Variants in OXR1 observed in about 807,000 individuals in gnomAD.
The protein encoded by OXR1 is oxidation resistance protein 1.
Under a neutral mutation model 104.6 loss-of-function variants are expected in OXR1, and 41 were observed. That is an observed-to-expected ratio of 0.39 (90% confidence interval 0.31 to 0.51). OXR1 has a LOEUF of 0.51. Ranked by LOEUF, OXR1 falls within the 20% of genes least tolerant of loss-of-function variation. OXR1 has a pLI of 0.77. For synonymous variants in OXR1, 348 were observed against 348.4 expected (o/e 1.00, Z 0.01); for missense variants, 955 against 1,031.9 (o/e 0.93, Z 1.02).
intron 3 of OXR1, among the ~76,000 whole-genome samples, chr8:106,607,501 C>G (rs568479794): frequency 1.3e-5 from 2 of 152,336 alleles, no homozygotes; most frequent in South Asian, 4.1e-4. Flanking sequence ...TTACACTTAC[C>G]TGGACTACAG....
At chr8:106,310,399 A>G (rs773090721) in intron 1 of OXR1, among the ~76,000 whole-genome samples, 5 of 152,036 alleles carry the variant, frequency 3.3e-5, no homozygotes, top group Non-Finnish European at 5.9e-5. Flanking sequence ...TCCTGTTCCA[A>G]TCTGGGGTGG....
chr8:106,362,493 G>A (rs1174111822), intron 2 of OXR1, among the ~76,000 whole-genome samples: 2 of 152,080 alleles, frequency 1.3e-5, no homozygotes, highest in African/African-American at 4.8e-5. Context: ...TAATAGTTAT[G>A]TGTATGATAC....
Position 106,584,237 on chromosome 8 carries a change from G to A in OXR1, c.220+65098G>A, listed in dbSNP as rs141261936. On this transcript the variant is annotated intron_variant, in intron 3 of 16. Coordinates refer to ENST00000517566, the MANE Select transcript of OXR1 (RefSeq NM_001198533.2). ...AGATGAAAATAATAGAGAAAAAGTA[G>A]AGAAACCTGAGGGCCAGTCATGGAA... Among the ~76,000 whole-genome samples the A allele has an allele frequency of 8.9e-3, 1,344 of 151,794 alleles. 24 individuals are homozygous for A. Among genetic ancestry groups the A allele is most frequent in the African/African-American group, 0.031 (1,274 of 41,402 alleles).
intron 3 of OXR1, among the ~76,000 whole-genome samples, chr8:106,568,864 A>G (rs966486754): frequency 2.6e-5 from 4 of 152,154 alleles, no homozygotes; most frequent in African/African-American, 9.7e-5. Flanking sequence ...GCTACTTTAT[A>G]TAACTTCCTA....
chr8:106,394,769 A>G (rs534499046), intron 2 of OXR1, among the ~76,000 whole-genome samples: 1 of 152,250 alleles, frequency 6.6e-6, no homozygotes, highest in East Asian at 1.9e-4. Context: ...TAGTTGACCA[A>G]AAGAGGCTGC....
chr8:106,404,319 CT>C, intron 2 of OXR1, among the ~76,000 whole-genome samples: 1 of 152,170 alleles, frequency 6.6e-6, no homozygotes, highest in African/African-American at 2.4e-5. Context: ...ATGTCCCCAA[CT>C]TCATCAGAGT....
chr8:106,344,628 C>T (rs573140296), intron 1 of OXR1, among the ~76,000 whole-genome samples: 13 of 152,312 alleles, frequency 8.5e-5, no homozygotes, highest in Non-Finnish European at 1.8e-4. Context: ...TGAGCCACTG[C>T]GCCCGGCCAA....
intron 11 of OXR1, among the ~76,000 whole-genome samples, chr8:106,716,227 G>C (rs1383618777): frequency 6.6e-6 from 1 of 152,122 alleles, no homozygotes; most frequent in Non-Finnish European, 1.5e-5. Flanking sequence ...GAATTGAGAT[G>C]TGCTGTAGTG....
chr8:106,731,387 G>C (rs1833880839), intron 11 of OXR1, among the ~76,000 whole-genome samples: 1 of 152,086 alleles, frequency 6.6e-6, no homozygotes, highest in South Asian at 2.1e-4. Flanking sequence ...TCTTGACAGT[G>C]TCTTTCACAC....
chr8:106,685,113 C>T (rs1828568277), intron 6 of OXR1, among the ~76,000 whole-genome samples: 1 of 152,018 alleles, frequency 6.6e-6, no homozygotes. Flanking sequence ...TATGGCAATA[C>T]TATGCTTTAG....
chr8:106,319,692 C>T (rs1814131615), intron 1 of OXR1, among the ~76,000 whole-genome samples: 1 of 152,206 alleles, frequency 6.6e-6, no homozygotes, highest in South Asian at 2.1e-4. Context: ...AGGCAGCATT[C>T]TGAGGGAATA....
chr8:106,274,909 C>T (rs1010428355), intron 1 of OXR1, among the ~76,000 whole-genome samples: 24 of 152,194 alleles, frequency 1.6e-4, no homozygotes, highest in African/African-American at 5.8e-4. Context: ...TACGTGAAAA[C>T]CCAATAAATA....
intron 1 of OXR1, among the ~76,000 whole-genome samples, chr8:106,349,588 T>C (rs1815638587): frequency 6.6e-6 from 1 of 152,176 alleles, no homozygotes; most frequent in South Asian, 2.1e-4. Flanking sequence ...ATCAACTCCA[T>C]AGATTAAAAT....
intron 3 of OXR1, among the ~76,000 whole-genome samples, chr8:106,628,186 G>A: frequency 6.6e-6 from 1 of 152,034 alleles, no homozygotes; most frequent in Non-Finnish European, 1.5e-5. Context: ...CCTGTTTTCT[G>A]TGTCCTTTTC....
rs1811927024 is a variant in OXR1, at chr8:106,503,248, A to C, written c.24-15695A>C. Reference sequence around the variant, plus strand: ...TAGCCAGAGAACAATAATGACCGTAAGAAATGTTAATAAAGATACACTACA... The same window carrying C: ...TAGCCAGAGAACAATAATGACCGTACGAAATGTTAATAAAGATACACTACA... On this transcript the variant is annotated intron_variant, in intron 2 of 16. Transcript: ENST00000517566. 2.6e-5 allele frequency among the ~76,000 whole-genome samples: 4 copies of C among 152,338 alleles called. No homozygotes were observed. The South Asian group carries it at 8.3e-4, about 32-fold the overall frequency.
intron 2 of OXR1, among the ~76,000 whole-genome samples, chr8:106,497,662 T>C (rs1314200484): frequency 6.6e-6 from 1 of 152,250 alleles, no homozygotes; most frequent in Non-Finnish European, 1.5e-5. Context: ...AATCTACCTC[T>C]GAAGTGCACA....
At chr8:106,408,137 C>T (rs1274104002) in intron 2 of OXR1, among the ~76,000 whole-genome samples, 1 of 152,134 alleles carries the variant, frequency 6.6e-6, no homozygotes, top group African/African-American at 2.4e-5. Flanking sequence ...CATCGATCCC[C>T]AAATAGCGTT....
chr8:106,458,690 C>T (rs1820742122), intron 2 of OXR1, among the ~76,000 whole-genome samples: 2 of 152,050 alleles, frequency 1.3e-5, no homozygotes, highest in African/African-American at 4.8e-5. Flanking sequence ...GCCCAGCAGT[C>T]CCACAGGGGT....
chr8:106,551,872 G>A lies in OXR1; in HGVS notation c.220+32733G>A, dbSNP rs892989442. Among the ~76,000 whole-genome samples, 67 of 146,366 alleles carry A rather than the reference G, an allele frequency of 4.6e-4. 2 individuals are homozygous for A. Among genetic ancestry groups the A allele is most frequent in the East Asian group, 4.4e-3 (22 of 5,010 alleles). ...TATGTGTATATATATGTGTGTGTGTGTGTGTGTGTGTGTGTGTGTGTGTGT... is the reference window on the plus strand; with the variant it reads ...TATGTGTATATATATGTGTGTGTGTATGTGTGTGTGTGTGTGTGTGTGTGT... On this transcript the variant is annotated intron_variant, in intron 3 of 16. Transcript: ENST00000517566.
Sources: allele counts gnomAD v4.1 joint callset (sites outside exome capture counted in the v4.1 genomes callset), GRCh38; gene constraint gnomAD v4.1.1; transcripts MANE v1.5; gene names NCBI Gene and HGNC (gene_info 2026-07-23, HGNC 2026-07-21).